COMMD8: variants seen among roughly 807,000 people sequenced by gnomAD.
The protein encoded by COMMD8 is COMM domain-containing protein 8.
COMMD8 carries 28 observed loss-of-function variants against 27.2 expected under a neutral mutation model. That is an observed-to-expected ratio of 1.03 (90% CI 0.76 to 1.41). The LOEUF is 1.41. Ranked by LOEUF, COMMD8 falls within the 40% of genes most tolerant of loss-of-function variation. The probability of loss-of-function intolerance (pLI) is 0.00; values close to 1 mark genes in which losing one functional copy is unlikely to be tolerated. For missense variants in COMMD8, 217 were observed against 211.2 expected (o/e 1.03, Z -0.17); for synonymous variants, 79 against 75.5 (o/e 1.05, Z -0.24).
intron 1 of COMMD8, 99 bp downstream of exon 1, chr4:47,463,487 G>T: frequency 8.8e-7 from 1 of 1,131,578 alleles, no homozygotes; most frequent in South Asian, 1.4e-5. Flanking sequence ...CTTCCCTAGG[G>T]AGCTTGCGAA....
chr4:47,458,020 T>C (rs1474934416), intron 2 of COMMD8, among the ~76,000 whole-genome samples: 1 of 151,878 alleles, frequency 6.6e-6, no homozygotes. Flanking sequence ...ATGAACAAAA[T>C]AGAGAAGAAA....
At chr4:47,456,788 C>T in intron 2 of COMMD8, 59 bp from the exon 3 acceptor site, 4 of 1,323,058 alleles carry the variant, frequency 3.0e-6, no homozygotes, top group Non-Finnish European at 3.1e-6. Flanking sequence ...AACACAATTC[C>T]ACTCTCCTTT....
Position 47,451,318 on chromosome 4 carries a change from C to T in COMMD8, c.*327G>A, listed in dbSNP as rs556577043. ...AGTATATTTGTGCTTTATATTTTTA[C>T]ATTACTTTAGAACCTATTTTTAGCT... On this transcript the variant is annotated 3_prime_UTR_variant, in exon 5 of 5. Transcript: ENST00000381571. 5 of 272,190 alleles carry T rather than the reference C, an allele frequency of 1.8e-5. No homozygotes were observed. The highest frequency in any genetic ancestry group is 2.3e-4 in the East Asian group (2 of 8,880). The allele number at this position is 272,190 out of a possible 1,614,324, so 16.9% of individuals were successfully genotyped here. A position where few individuals can be genotyped will look rare whatever the true frequency, so the allele number is the denominator to read the frequency against.
chr4:47,463,558 C>G (rs1273710177), intron 1 of COMMD8, 28 bp downstream of exon 1: 1 of 1,537,878 alleles, frequency 6.5e-7, no homozygotes. Flanking sequence ...CCAGGCCCCG[C>G]GCCGCTTCCC....
Position 47,460,257 on chromosome 4 carries a change from G to A in COMMD8, c.109C>T (p.Pro37Ser). 2 of 1,612,804 alleles carry A rather than the reference G, an allele frequency of 1.2e-6. No homozygotes were observed. The highest frequency in any genetic ancestry group is 1.7e-6 in the Non-Finnish European group (2 of 1,179,462). Residue 37 changes from proline (P) to serine (S), a missense_variant, in exon 2 of 5, where the codon CCT becomes TCT. Physicochemically the swap from Pro to Ser is moderately conservative, Grantham distance 74. Transcript: ENST00000381571. The part of the protein sequence containing the change: ...IIDGICGRAY[P>S]VYQDYHTVWE... The stretch of plus-strand genomic sequence containing the variant: ...ACAGTGTGATAATCTTGGTACACAG[G>A]ATAAGCTCGACCACAAATGCCATCA...
intron 4 of COMMD8, among the ~76,000 whole-genome samples, chr4:47,452,849 AG>A (rs1729786400): frequency 6.6e-6 from 1 of 152,178 alleles, no homozygotes. Context: ...TACAAAAATT[AG>A]CCAGGCCTGG....
chr4:47,451,756 G>C, intron 4 of COMMD8, 91 bp from the exon 5 acceptor site: 1 of 953,468 alleles, frequency 1.0e-6, no homozygotes, highest in Non-Finnish European at 1.6e-6. Context: ...TCTGAAAAAG[G>C]GCATGGAGAA....
chr4:47,456,374 C>T (rs1454522280), intron 3 of COMMD8, among the ~76,000 whole-genome samples: 2 of 146,150 alleles, frequency 1.4e-5, no homozygotes, highest in Non-Finnish European at 3.0e-5. Flanking sequence ...TATTTATTAT[C>T]AATGTAATGT....
chr4:47,457,933 A>T (rs903445377), intron 2 of COMMD8, among the ~76,000 whole-genome samples: 11 of 151,062 alleles, frequency 7.3e-5, no homozygotes, highest in African/African-American at 1.2e-4. Context: ...AGAGATATAT[A>T]AAAAAAAAGA....
At position 47,457,755 on chromosome 4, in the gene COMMD8, T is replaced by C. The variant is rs577173669; in HGVS notation, c.223-1026A>G. 4.0e-5 allele frequency among the ~76,000 whole-genome samples: 6 copies of C among 151,686 alleles called. No individual in the cohort carries two copies. The East Asian group carries it at 1.2e-3, about 29-fold the overall frequency. On this transcript the variant is annotated intron_variant, in intron 2 of 4. Coordinates refer to ENST00000381571, the MANE Select transcript of COMMD8 (RefSeq NM_017845.5). Reference sequence around the variant, plus strand: ...TAAAGTCAATCTCACTTATTCTTCCTGAGAACAGGAAAAAAATCCTTCCCA... The same window carrying C: ...TAAAGTCAATCTCACTTATTCTTCCCGAGAACAGGAAAAAAATCCTTCCCA...
At chr4:47,452,317 G>T (rs28463624) in intron 4 of COMMD8, among the ~76,000 whole-genome samples, 6,575 of 152,186 alleles carry the variant, frequency 0.043, 458 homozygotes, top group African/African-American at 0.15. Flanking sequence ...CTACAAGTCA[G>T]ATTCTGTCTT....
At chr4:47,462,907 A>G (rs1478442742) in intron 1 of COMMD8, among the ~76,000 whole-genome samples, 3 of 152,186 alleles carry the variant, frequency 2.0e-5, no homozygotes, top group African/African-American at 7.2e-5. Flanking sequence ...TAGAGGAAAC[A>G]GGAAGCCAAA....
chr4:47,451,458 C>A lies in COMMD8; in HGVS notation c.*187G>T. 1.9e-6 allele frequency: 1 copy of A among 532,378 alleles called. No homozygotes were observed. The highest frequency in any genetic ancestry group is 2.5e-5 in the South Asian group (1 of 40,076). The allele number at this position is 532,378 out of a possible 1,614,324, so 33.0% of individuals were successfully genotyped here. ...TTTTCATCTTTCATTTTATGCATTT[C>A]CTCTCAACCATGTAATTTCCTGTTA... On this transcript the variant is annotated 3_prime_UTR_variant, in exon 5 of 5. Coordinates refer to ENST00000381571, the MANE Select transcript of COMMD8 (RefSeq NM_017845.5).
At chr4:47,455,387 A>G (rs1729861613) in intron 3 of COMMD8, among the ~76,000 whole-genome samples, 1 of 152,128 alleles carries the variant, frequency 6.6e-6, no homozygotes, top group Non-Finnish European at 1.5e-5. Flanking sequence ...TTAAATATTT[A>G]AATTAAAAAT....
At chr4:47,454,009 C>T (rs1181524673) in intron 3 of COMMD8, among the ~76,000 whole-genome samples, 1 of 152,202 alleles carries the variant, frequency 6.6e-6, no homozygotes, top group Non-Finnish European at 1.5e-5. Context: ...CAAATCTTGA[C>T]ATAGCTCCTC....
chr4:47,452,347 A>C (rs1324914918), intron 4 of COMMD8, among the ~76,000 whole-genome samples: 10 of 152,228 alleles, frequency 6.6e-5, no homozygotes, highest in Admixed American at 6.5e-4. Flanking sequence ...GAGGATCATA[A>C]AAGCAATTTT....
intron 1 of COMMD8, among the ~76,000 whole-genome samples, chr4:47,463,256 G>A (rs745733640): frequency 6.6e-6 from 1 of 152,212 alleles, no homozygotes; most frequent in Admixed American, 6.5e-5. Flanking sequence ...GGTAGGTAGG[G>A]AGCCTTTGGG....
chr4:47,453,321 T>G, intron 3 of COMMD8, 107 bp from the exon 4 acceptor site: 1 of 820,492 alleles, frequency 1.2e-6, no homozygotes, highest in Non-Finnish European at 1.9e-6. Context: ...CTGTTTGCTG[T>G]TGAGTATAGA....
At chr4:47,461,687 T>C (rs1456295008) in intron 1 of COMMD8, among the ~76,000 whole-genome samples, 1 of 152,228 alleles carries the variant, frequency 6.6e-6, no homozygotes, top group Non-Finnish European at 1.5e-5. Context: ...CTTTATTTAA[T>C]GGCAAAGAAA....
Sources: allele counts gnomAD v4.1 joint callset (sites outside exome capture counted in the v4.1 genomes callset), GRCh38; gene constraint gnomAD v4.1.1; transcripts MANE v1.5; gene names NCBI Gene and HGNC (gene_info 2026-07-23, HGNC 2026-07-21).